DAB1: variants seen among roughly 807,000 people sequenced by gnomAD.
DAB1 encodes the protein DAB adaptor protein 1.
DAB1 carries 15 observed loss-of-function variants against 64.6 expected under a neutral mutation model. The observed-to-expected ratio is 0.23, with a 90% CI of 0.16 to 0.36. The LOEUF is 0.36. DAB1 is among the 10% of genes least tolerant of loss of function. The pLI, the probability that DAB1 is intolerant of heterozygous loss-of-function variation, is 1.00. For missense variants in DAB1, 596 were observed against 706.7 expected, an observed-to-expected ratio of 0.84 and a Z score of 1.78; for synonymous variants, 235 against 251.9, an observed-to-expected ratio of 0.93 and a Z score of 0.64.
At chr1:57,361,088 G>A (rs1009895116) in intron 1 of DAB1, among the ~76,000 whole-genome samples, 2 of 152,000 alleles carry the variant, frequency 1.3e-5, no homozygotes, top group Non-Finnish European at 2.9e-5. Flanking sequence ...ACAGAACACT[G>A]AGAAATGGCA....
intron 5 of DAB1, among the ~76,000 whole-genome samples, chr1:58,118,469 C>CATATATATATAT (rs370100684): frequency 1.4e-3 from 31 of 22,026 alleles, no homozygotes; most frequent in African/African-American, 2.9e-3. Context: ...TATCCTAAGG[C>CATATATATATAT]ATATATATAT....
chr1:57,654,972 A>G (rs1007517410), intron 6 of DAB1, among the ~76,000 whole-genome samples: 2 of 152,182 alleles, frequency 1.3e-5, no homozygotes, highest in African/African-American at 4.8e-5. Flanking sequence ...CTGTATAGCT[A>G]TGCTTTGTCC....
At chr1:57,717,846 G>C (rs976456442) in intron 6 of DAB1, among the ~76,000 whole-genome samples, 1 of 152,034 alleles carries the variant, frequency 6.6e-6, no homozygotes, top group African/African-American at 2.4e-5. Context: ...ATTATGTTAG[G>C]TTATGAGTTG....
upstream of DAB1, among the ~76,000 whole-genome samples, chr1:57,886,425 G>C (rs1350634256): frequency 1.3e-5 from 2 of 152,110 alleles, no homozygotes; most frequent in Non-Finnish European, 2.9e-5. Context: ...CCAAAGTGCT[G>C]GGTTACAGGC....
intron 7 of DAB1, among the ~76,000 whole-genome samples, chr1:57,458,690 T>C (rs1411030087): frequency 6.6e-6 from 1 of 152,124 alleles, no homozygotes; most frequent in Non-Finnish European, 1.5e-5. Flanking sequence ...GAAAACAATA[T>C]AAATATCTAA....
Position 57,636,118 on chromosome 1 carries a change from AAC to A in DAB1, n.625+13472_625+13473del, listed in dbSNP as rs1377693567. Reference sequence around the variant, plus strand: ...TCTCAAAAAAAAAAAAAAAAACAAAAACAAAAAACTGGTGCCCTTATAAGAAA... The same window carrying A: ...TCTCAAAAAAAAAAAAAAAAACAAAAAAAAAACTGGTGCCCTTATAAGAAA... On this transcript the variant is annotated intron_variant and non_coding_transcript_variant, in intron 7 of 20. Coordinates refer to the DAB1 transcript ENST00000485760. Among the ~76,000 whole-genome samples, 8 of 149,460 alleles carry A rather than the reference AAC, an allele frequency of 5.4e-5. 1 individual carries two copies. The highest frequency in any genetic ancestry group is 1.7e-4 in the African/African-American group (7 of 40,106).
At chr1:58,407,604 A>G (rs1427156830) in intron 3 of DAB1, among the ~76,000 whole-genome samples, 2 of 152,166 alleles carry the variant, frequency 1.3e-5, no homozygotes, top group Non-Finnish European at 2.9e-5. Flanking sequence ...ACAGCCACCT[A>G]CAACAAAGAA....
chr1:58,490,957 T>C lies in DAB1; in HGVS notation n.257+15103A>G, dbSNP rs908387141. ...AGTAGCTGGGACTACAGGCACCCGC[T>C]ACCAAGCCCGGCTAAATTTTTTTGT... is the stretch of plus-strand genomic sequence containing the variant. On this transcript the variant is annotated intron_variant and non_coding_transcript_variant, in intron 3 of 20. Transcript: ENST00000485760. Among the ~76,000 whole-genome samples, 3 of 151,512 alleles carry C rather than the reference T, an allele frequency of 2.0e-5. No individual in the cohort carries two copies. The South Asian group carries it at 6.2e-4, about 32-fold the overall frequency.
At chr1:57,981,186 T>C (rs1291852328) in intron 5 of DAB1, among the ~76,000 whole-genome samples, 3 of 152,122 alleles carry the variant, frequency 2.0e-5, no homozygotes. Flanking sequence ...CTCATCTCTA[T>C]AAAGGCATAC....
intron 6 of DAB1, among the ~76,000 whole-genome samples, chr1:57,727,798 T>A (rs1157187532): frequency 6.8e-6 from 1 of 146,694 alleles, no homozygotes; most frequent in African/African-American, 2.5e-5. Context: ...TCTCTCATAA[T>A]GGAGTGTGGT....
intron 7 of DAB1, among the ~76,000 whole-genome samples, chr1:57,529,483 A>G (rs758465650): frequency 6.6e-6 from 1 of 152,122 alleles, no homozygotes; most frequent in East Asian, 1.9e-4. Flanking sequence ...TTTACACATA[A>G]TGCCCTTGAA....
intron 4 of DAB1, among the ~76,000 whole-genome samples, chr1:58,167,213 TG>T (rs1265214254): frequency 6.6e-6 from 1 of 152,242 alleles, no homozygotes; most frequent in Non-Finnish European, 1.5e-5. Flanking sequence ...GGAAAACTTT[TG>T]TGTCTAGCTA....
intron 4 of DAB1, among the ~76,000 whole-genome samples, chr1:58,166,097 A>C (rs567779862): frequency 6.6e-6 from 1 of 152,342 alleles, no homozygotes; most frequent in East Asian, 1.9e-4. Flanking sequence ...GAAGAGAAGA[A>C]GTCACATTTA....
chr1:57,852,125 T>C (rs1172443302), intron 1 of DAB1, among the ~76,000 whole-genome samples: 4 of 152,154 alleles, frequency 2.6e-5, no homozygotes, highest in African/African-American at 9.7e-5. Flanking sequence ...TTAGAATTTC[T>C]CTCCCAAAGC....
At chr1:57,669,586 T>C (rs1646487392) in intron 6 of DAB1, among the ~76,000 whole-genome samples, 1 of 152,274 alleles carries the variant, frequency 6.6e-6, no homozygotes, top group East Asian at 1.9e-4. Flanking sequence ...GCAGGACAGC[T>C]GCCCAGCACT....
chr1:58,019,330 T>G (rs1275508629), intron 5 of DAB1, among the ~76,000 whole-genome samples: 1 of 152,176 alleles, frequency 6.6e-6, no homozygotes, highest in Non-Finnish European at 1.5e-5. Context: ...AGGTATTAAA[T>G]TTAGAAAATA....
chr1:58,067,047 C>T (rs945111318), intron 5 of DAB1, among the ~76,000 whole-genome samples: 3 of 152,192 alleles, frequency 2.0e-5, no homozygotes, highest in Admixed American at 2.0e-4. Context: ...TCCCTCATCT[C>T]TGCTCCCCAT....
chr1:57,300,857 G>T (rs1374193294), intron 1 of DAB1, among the ~76,000 whole-genome samples: 1 of 152,114 alleles, frequency 6.6e-6, no homozygotes, highest in Non-Finnish European at 1.5e-5. Flanking sequence ...TGCATACATT[G>T]GTGAAGACCT....
chr1:57,238,860 TACACACACACACAC>T (rs1281270538), intron 2 of DAB1, among the ~76,000 whole-genome samples: 14 of 133,948 alleles, frequency 1.0e-4, no homozygotes, highest in African/African-American at 3.7e-4. Flanking sequence ...CACACACACA[TACACACACACACAC>T]ACACACACAC....
Sources: allele counts gnomAD v4.1 joint callset (sites outside exome capture counted in the v4.1 genomes callset), GRCh38; gene constraint gnomAD v4.1.1; transcripts MANE v1.5; gene names NCBI Gene and HGNC (gene_info 2026-07-23, HGNC 2026-07-21).